The following FOXP1 variants were observed in gnomAD, a reference collection of about 807,000 sequenced individuals.
FOXP1 encodes forkhead box P1, also known as forkhead box protein P1.
A neutral mutation model predicts 98.2 loss-of-function variants in FOXP1; 15 were observed. The observed-to-expected ratio is 0.15, with a 90% CI of 0.10 to 0.24. The LOEUF (loss-of-function observed/expected upper bound fraction) is 0.24, where lower values mean the gene tolerates loss of function less well. Among genes scored for constraint, FOXP1 ranks in the 10% least tolerant of loss-of-function variants. The pLI is 1.00. For synonymous variants in FOXP1, 371 were observed against 314.5 expected, an observed-to-expected ratio of 1.18 and a Z score of -1.90; for missense variants, 633 against 848.5, an observed-to-expected ratio of 0.75 and a Z score of 3.15.
intron 3 of FOXP1, among the ~76,000 whole-genome samples, chr3:71,431,881 C>T (rs188544756): frequency 6.6e-6 from 1 of 152,140 alleles, no homozygotes; most frequent in African/African-American, 2.4e-5. Flanking sequence ...AAAACCAAAG[C>T]TATAGAGTGA....
At chr3:71,045,349 C>CT (rs1306303610) in intron 10 of FOXP1, among the ~76,000 whole-genome samples, 10 of 152,200 alleles carry the variant, frequency 6.6e-5, no homozygotes, top group African/African-American at 2.4e-4. Flanking sequence ...TGTCACTGCC[C>CT]AATTGCCCTC....
chr3:71,125,991 A>G (rs1427718678), intron 6 of FOXP1, among the ~76,000 whole-genome samples: 2 of 152,222 alleles, frequency 1.3e-5, no homozygotes, highest in African/African-American at 2.4e-5. Flanking sequence ...AAATTGATAC[A>G]TGTAAAGTGC....
chr3:71,564,745 T>C (rs1407599696), intron 2 of FOXP1, among the ~76,000 whole-genome samples: 2 of 152,232 alleles, frequency 1.3e-5, no homozygotes, highest in Admixed American at 1.3e-4. Context: ...TATATTTCAG[T>C]GGACGGGCAG....
chr3:71,395,548 CA>C (rs2108154862), intron 3 of FOXP1, among the ~76,000 whole-genome samples: 1 of 151,904 alleles, frequency 6.6e-6, no homozygotes, highest in East Asian at 1.9e-4. Flanking sequence ...TAAACTGGCC[CA>C]GGGGCACTCC....
At chr3:71,421,001 A>T (rs1234652916) in intron 3 of FOXP1, among the ~76,000 whole-genome samples, 1 of 152,064 alleles carries the variant, frequency 6.6e-6, no homozygotes, top group Non-Finnish European at 1.5e-5. Context: ...GTTTTTTTAC[A>T]TTCCTCTCAA....
intron 6 of FOXP1, among the ~76,000 whole-genome samples, chr3:71,123,375 A>C (rs9858783): frequency 0.038 from 5,825 of 152,324 alleles, 254 homozygotes; most frequent in African/African-American, 0.11. Flanking sequence ...CTCTCTGGTT[A>C]ACTGAGTTCA....
chr3:71,551,428 G>A (rs1184606527), intron 2 of FOXP1, among the ~76,000 whole-genome samples: 1 of 152,178 alleles, frequency 6.6e-6, no homozygotes, highest in African/African-American at 2.4e-5. Flanking sequence ...TTTGGTGAAT[G>A]GCATTTCCTT....
chr3:71,538,528 C>T (rs1424719981), intron 2 of FOXP1, among the ~76,000 whole-genome samples: 1 of 152,232 alleles, frequency 6.6e-6, no homozygotes, highest in East Asian at 1.9e-4. Context: ...CACTGCATTG[C>T]AAACATTCAT....
At chr3:71,032,619 C>T (rs757773524) in intron 11 of FOXP1, among the ~76,000 whole-genome samples, 3 of 152,054 alleles carry the variant, frequency 2.0e-5, no homozygotes, top group Admixed American at 6.6e-5. Context: ...CCCCAGTGAG[C>T]CAGTCGGCAG....
At chr3:71,310,794 T>C (rs1377855903) in intron 4 of FOXP1, among the ~76,000 whole-genome samples, 1 of 152,186 alleles carries the variant, frequency 6.6e-6, no homozygotes, top group African/African-American at 2.4e-5. Flanking sequence ...CCTGCACTAG[T>C]GTCTGGCCAC....
chr3:71,174,423 A>G (rs1405487838), intron 6 of FOXP1, among the ~76,000 whole-genome samples: 4 of 151,702 alleles, frequency 2.6e-5, no homozygotes, highest in Non-Finnish European at 5.9e-5. Context: ...CCTGTCTCAA[A>G]AACAAACAAA....
At position 70,988,004 on chromosome 3, in the gene FOXP1, G is replaced by A. The variant is rs749995961; in HGVS notation, c.1136C>T (p.Ala379Val). The A allele has an allele frequency of 6.2e-7, 1 of 1,614,090 alleles. No individual in the cohort carries two copies. ...GGGATCAATACTTACGGGCTGAGGG[G>A]CGGCTTTGGGTTCTGTAGACTTCAC... is the stretch of plus-strand genomic sequence containing the variant. ...LHVKSTEPKA[A>V]PQPLNLVSSV... The change falls in exon 14 of 21, where the codon GCC (alanine) becomes GTC (valine). Residue 379 changes from alanine (A) to valine (V), a missense_variant. Physicochemically the swap from Ala to Val is moderately conservative, Grantham distance 64. Around this residue, in one of 6 missense-constraint regions of FOXP1, gnomAD observed 141 missense variants for 199.5 expected, o/e 0.71. Coordinates refer to ENST00000649528, the MANE Select transcript of FOXP1 (RefSeq NM_001349338.3).
chr3:71,068,600 C>T (rs2107390599), intron 7 of FOXP1, among the ~76,000 whole-genome samples: 1 of 152,282 alleles, frequency 6.6e-6, no homozygotes, highest in East Asian at 1.9e-4. Context: ...GAGGCCAAAA[C>T]CTTAATTCAA....
intron 4 of FOXP1, among the ~76,000 whole-genome samples, chr3:71,346,365 C>T (rs1434629190): frequency 2.6e-4 from 39 of 152,100 alleles, no homozygotes; most frequent in Admixed American, 2.6e-3. Flanking sequence ...GCAAACGTGG[C>T]TGTTTTTGTT....
chr3:71,356,670 G>T lies in FOXP1; in HGVS notation c.-73+2480C>A, dbSNP rs527841514. Among the ~76,000 whole-genome samples, 18 of 152,246 alleles carry T rather than the reference G, an allele frequency of 1.2e-4. No homozygotes were observed. In the South Asian group the frequency reaches 3.5e-3, roughly 30 times the overall value. On this transcript the variant is annotated intron_variant, in intron 4 of 20. Coordinates refer to ENST00000649528, the MANE Select transcript of FOXP1 (RefSeq NM_001349338.3). ...GGAGGCCGTGGCACAGAAAGGTTAA[G>T]TAACTTGCCTAGGGTTGTTCAGCCA...
intron 2 of FOXP1, chr3:71,573,935 A>G (rs1280970791): frequency 6.6e-6 from 1 of 152,250 alleles, no homozygotes; most frequent in African/African-American, 2.4e-5. Context: ...ACATTTCAAC[A>G]AACAAGGCGG....
chr3:71,289,701 T>C (rs1016933845), intron 5 of FOXP1: 2 of 151,322 alleles, frequency 1.3e-5, no homozygotes, highest in Admixed American at 6.6e-5. Context: ...GGCTAGAGTA[T>C]TGTGATGCAA....
chr3:71,000,517 C>G (rs1412349140), intron 13 of FOXP1, among the ~76,000 whole-genome samples: 1 of 152,078 alleles, frequency 6.6e-6, no homozygotes, highest in African/African-American at 2.4e-5. Flanking sequence ...CTCGCTCTTT[C>G]TCTCTTCATT....
chr3:71,461,522 G>C (rs2088107624), intron 3 of FOXP1, among the ~76,000 whole-genome samples: 1 of 152,080 alleles, frequency 6.6e-6, no homozygotes, highest in Non-Finnish European at 1.5e-5. Context: ...AAAACAAGAG[G>C]CCGGGCGTGG....
Sources: gnomAD v4.1 joint callset for allele counts (sites outside exome capture counted in the v4.1 genomes callset) on GRCh38, gnomAD v4.1.1 for gene constraint, gnomAD v4.1.1 regional missense constraint, MANE v1.5 for transcripts, NCBI Gene and HGNC (gene_info 2026-07-23, HGNC 2026-07-21) for gene names.